CMSS1: variants seen among roughly 807,000 people sequenced by gnomAD.
CMSS1 encodes the protein cms1 ribosomal small subunit homolog.
Under a neutral mutation model 43.5 loss-of-function variants are expected in CMSS1, and 33 were observed. The ratio of observed to expected loss-of-function variants is 0.76; its 90% CI spans 0.57 to 1.01. The LOEUF is 1.01. Among genes scored for constraint, CMSS1 ranks in the 50% least tolerant of loss-of-function variants. CMSS1 has a pLI of 0.00. For missense variants in CMSS1, 313 were observed against 326.4 expected, an observed-to-expected ratio of 0.96 and a Z score of 0.32; for synonymous variants, 115 against 117.2, an observed-to-expected ratio of 0.98 and a Z score of 0.12.
intron 1 of CMSS1, among the ~76,000 whole-genome samples, chr3:99,861,845 C>G (rs1162828431): frequency 2.6e-5 from 4 of 152,130 alleles, no homozygotes; most frequent in Non-Finnish European, 5.9e-5. Flanking sequence ...CAGCTGAATC[C>G]CGGCTTTCCA....
At chr3:99,910,980 T>C (rs555150114) in intron 1 of CMSS1, among the ~76,000 whole-genome samples, 4 of 152,158 alleles carry the variant, frequency 2.6e-5, no homozygotes, top group Non-Finnish European at 5.9e-5. Flanking sequence ...AGGTTACAGT[T>C]GAAATAAATA....
chr3:100,180,979 A>C lies in CMSS1; in HGVS notation c.*2591A>C, dbSNP rs2067181164. 6.6e-6 allele frequency: 1 copy of C among 152,368 alleles called. No homozygotes were observed. Among genetic ancestry groups the C allele is most frequent in the Non-Finnish European group, 1.5e-5 (1 of 68,174 alleles). 9.4% of individuals were successfully genotyped at this position (152,368 alleles called of 1,614,324 possible). ...AAATTTACAATCATGGCAGAAGATG[A>C]AAGGGATGCAACCACATCTTGTGGC... is the stretch of plus-strand genomic sequence containing the variant. On this transcript the variant is annotated 3_prime_UTR_variant, in exon 10 of 10. Transcript: ENST00000421999.
At chr3:100,139,413 G>A (rs1368372480) in intron 1 of CMSS1, among the ~76,000 whole-genome samples, 1 of 149,278 alleles carries the variant, frequency 6.7e-6, no homozygotes, top group Non-Finnish European at 1.5e-5. Flanking sequence ...CAGGCATGGT[G>A]GCTCACACCT....
intron 1 of CMSS1, among the ~76,000 whole-genome samples, chr3:99,840,259 T>G (rs1231348264): frequency 1.4e-5 from 2 of 139,504 alleles, no homozygotes; most frequent in African/African-American, 2.7e-5. Context: ...AGCCTTGCTC[T>G]GTCGCCCAGG....
At chr3:99,851,330 T>C (rs866398177) in intron 1 of CMSS1, among the ~76,000 whole-genome samples, 23 of 152,216 alleles carry the variant, frequency 1.5e-4, no homozygotes, top group Admixed American at 1.0e-3. Flanking sequence ...CAAGAATATT[T>C]AGTTTAAATT....
chr3:99,848,235 G>C, intron 1 of CMSS1: 1 of 1,589,168 alleles, frequency 6.3e-7, no homozygotes, highest in Non-Finnish European at 8.6e-7. Flanking sequence ...TGAGTTCCTT[G>C]CAAAAATATC....
intron 9 of CMSS1, among the ~76,000 whole-genome samples, chr3:100,176,922 C>A (rs916452553): frequency 6.6e-6 from 1 of 152,098 alleles, no homozygotes; most frequent in African/African-American, 2.4e-5. Flanking sequence ...AATTGAATGA[C>A]CGAATGCATT....
chr3:100,056,243 ACT>A (rs1200422331), intron 1 of CMSS1, among the ~76,000 whole-genome samples: 6 of 151,980 alleles, frequency 3.9e-5, no homozygotes, highest in African/African-American at 7.3e-5. Context: ...ACCAAGTCTG[ACT>A]CTCAGCTCTG....
intron 1 of CMSS1, among the ~76,000 whole-genome samples, chr3:99,909,859 G>A (rs1706737350): frequency 6.6e-6 from 1 of 152,154 alleles, no homozygotes; most frequent in Non-Finnish European, 1.5e-5. Context: ...GTCACAGTCT[G>A]CAACCCCTTT....
At position 100,058,065 on chromosome 3, in the gene CMSS1, C is replaced by T. The variant is rs149355779; in HGVS notation, c.65-88908C>T. Among the ~76,000 whole-genome samples the T allele has an allele frequency of 5.9e-5, 9 of 152,320 alleles. No individual in the cohort carries two copies. The East Asian group carries it at 1.7e-3, about 29-fold the overall frequency. On this transcript the variant is annotated intron_variant, in intron 1 of 9. Transcript: ENST00000421999. ...TCAAAGTAATCCCAGGCAATATGCA[C>T]AATTTTTTATTTTCTTTTTGCAGTT...
rs567186734 is a variant in CMSS1, at chr3:99,949,980, C to A, written c.64+131937C>A. ...TATCATTAATTATTTCCCAGAATAA[C>A]CTTTACTTTCATAATCAAAGGTATG... On this transcript the variant is annotated intron_variant, in intron 1 of 9. Transcript: ENST00000421999. 3.3e-4 allele frequency among the ~76,000 whole-genome samples: 50 copies of A among 152,218 alleles called. 1 individual carries two copies. In the South Asian group the frequency reaches 0.01, roughly 32 times the overall value.
intron 1 of CMSS1, among the ~76,000 whole-genome samples, chr3:99,981,739 G>A (rs77832864): frequency 0.024 from 3,676 of 152,232 alleles, 69 homozygotes; most frequent in Middle Eastern, 0.041. Flanking sequence ...TCCAAATTGC[G>A]TGCTATTTTC....
intron 1 of CMSS1, among the ~76,000 whole-genome samples, chr3:100,074,662 T>C (rs2065817706): frequency 6.8e-6 from 1 of 147,122 alleles, no homozygotes; most frequent in African/African-American, 2.5e-5. Context: ...TTTCTATGCA[T>C]GTGCAACATT....
At chr3:100,036,815 A>G (rs1246594626) in intron 1 of CMSS1, among the ~76,000 whole-genome samples, 1 of 152,216 alleles carries the variant, frequency 6.6e-6, no homozygotes, top group African/African-American at 2.4e-5. Context: ...CAAAGTTACC[A>G]TCATCAATAG....
chr3:99,899,213 T>A (rs955704485), intron 1 of CMSS1, among the ~76,000 whole-genome samples: 5 of 152,236 alleles, frequency 3.3e-5, no homozygotes, highest in African/African-American at 1.2e-4. Flanking sequence ...TGATCTTTAT[T>A]TTGCATCATA....
intron 1 of CMSS1, among the ~76,000 whole-genome samples, chr3:99,992,561 A>G (rs1286721448): frequency 1.3e-5 from 2 of 152,032 alleles, no homozygotes; most frequent in Non-Finnish European, 2.9e-5. Flanking sequence ...GATTCTGGTT[A>G]TTAGCCCTTT....
intron 1 of CMSS1, among the ~76,000 whole-genome samples, chr3:100,014,471 G>GAGTT (rs1265696203): frequency 6.6e-6 from 1 of 152,022 alleles, no homozygotes; most frequent in Non-Finnish European, 1.5e-5. Context: ...CAGTGTATAA[G>GAGTT]AGTTCCCTTT....
At chr3:100,043,718 A>G (rs984777241) in intron 1 of CMSS1, among the ~76,000 whole-genome samples, 7 of 152,236 alleles carry the variant, frequency 4.6e-5, no homozygotes, top group Non-Finnish European at 7.3e-5. Context: ...AGGGGATACA[A>G]TGTGATATTT....
intron 2 of CMSS1, among the ~76,000 whole-genome samples, chr3:100,156,492 A>G (rs2066975283): frequency 6.7e-6 from 1 of 149,812 alleles, no homozygotes; most frequent in South Asian, 2.1e-4. Context: ...TATTTTTAGT[A>G]CAGACGGGGT....
Sources: gnomAD v4.1 joint callset for allele counts (sites outside exome capture counted in the v4.1 genomes callset) on GRCh38, gnomAD v4.1.1 for gene constraint, MANE v1.5 for transcripts, NCBI Gene and HGNC (gene_info 2026-07-23, HGNC 2026-07-21) for gene names.